Variants in TBC1D9B observed in about 807,000 individuals in gnomAD.
TBC1D9B encodes the protein TBC1 domain family, member 9B (with GRAM domain).
In TBC1D9B, 87 loss-of-function variants were observed where a neutral mutation model predicts 121.1. That is an observed-to-expected ratio of 0.72 (90% CI 0.60 to 0.86). The LOEUF (loss-of-function observed/expected upper bound fraction) is 0.86, where lower values mean the gene tolerates loss of function less well. Among genes scored for constraint, TBC1D9B ranks in the 40% least tolerant of loss-of-function variants. The pLI is 0.00. For synonymous variants in TBC1D9B, 668 were observed against 670.1 expected, an observed-to-expected ratio of 1.00 and a Z score of 0.05; for missense variants, 1,540 against 1,628.6, an observed-to-expected ratio of 0.95 and a Z score of 0.94.
At chr5:179,900,314 G>A (rs1163514544) in intron 2 of TBC1D9B, among the ~76,000 whole-genome samples, 4 of 152,234 alleles carry the variant, frequency 2.6e-5, no homozygotes, top group Non-Finnish European at 4.4e-5. Context: ...CGGGGGAAGA[G>A]CAAAGGGATG....
At position 179,891,828 on chromosome 5, in the gene TBC1D9B, C is replaced by T. The variant is rs1401157251; in HGVS notation, c.837-242G>A. Among the ~76,000 whole-genome samples the T allele has an allele frequency of 6.6e-6, 1 of 152,196 alleles. No individual in the cohort carries two copies. The highest frequency in any genetic ancestry group is 1.5e-5 in the Non-Finnish European group (1 of 68,036). On this transcript the variant is annotated intron_variant, in intron 5 of 20. Transcript: ENST00000355235. This position sits in a 1 kb window ranked among gnomAD's most constrained non-coding sequence, Gnocchi z 4.3. Reference sequence around the variant, plus strand: ...GAGAAGTGGCCAGCAAGCAATGTGTCCTGAGACTGCTTTGAAAAGGACACA... The same window carrying T: ...GAGAAGTGGCCAGCAAGCAATGTGTTCTGAGACTGCTTTGAAAAGGACACA...
intron 7 of TBC1D9B, among the ~76,000 whole-genome samples, chr5:179,882,434 C>A (rs1047870376): frequency 1.6e-4 from 25 of 152,216 alleles, no homozygotes; most frequent in Admixed American, 9.8e-4. Context: ...AGTCTGTTCT[C>A]CAGCAGACTC....
At position 179,872,975 on chromosome 5, in the gene TBC1D9B, TCAG is replaced by T; in HGVS notation, c.2329_2331del (p.Leu777del). The T allele has an allele frequency of 6.2e-7, 1 of 1,613,784 alleles. No homozygotes were observed. The highest frequency in any genetic ancestry group is 8.5e-7 in the Non-Finnish European group (1 of 1,179,918). On this transcript the variant is annotated inframe_deletion, in exon 14 of 21. Transcript: ENST00000355235. ...CGCATCTGCTCAATGTCTTCGGCCC[TCAG>T]GCTGCTGAATTTCTATAGGGAGAGG...
chr5:179,906,120 T>C (rs773145357), intron 1 of TBC1D9B, among the ~76,000 whole-genome samples: 6 of 152,190 alleles, frequency 3.9e-5, no homozygotes, highest in Non-Finnish European at 2.9e-5. Context: ...TAATGAAAAG[T>C]CTAGGTTGGC....
In TBC1D9B at chr5:179,867,614, C is replaced by T. The variant is rs556670726; in HGVS notation, c.2863+164G>A. On this transcript the variant is annotated intron_variant, in intron 18 of 20. Coordinates refer to ENST00000355235, the MANE Select transcript of TBC1D9B (RefSeq NM_015043.4). ...ATCCACAGGGGGCGGCCCCAGCCCC[C>T]GCCAGCATGGCAGAGCCCAGCCCGT... The T allele has an allele frequency of 1.0e-4, 150 of 1,487,576 alleles. 1 individual carries two copies. Among genetic ancestry groups the T allele is most frequent in the South Asian group, 6.5e-4 (54 of 83,134 alleles). 92.1% of individuals were successfully genotyped at this position (1,487,576 alleles called of 1,614,324 possible). A position where few individuals can be genotyped will look rare whatever the true frequency, so the allele number is the denominator to read the frequency against.
intron 10 of TBC1D9B, among the ~76,000 whole-genome samples, chr5:179,877,371 T>C (rs1582084115): frequency 6.6e-6 from 1 of 150,544 alleles, no homozygotes. Flanking sequence ...AAATTAAAAA[T>C]AGAAATACTG....
chr5:179,879,311 G>A, intron 8 of TBC1D9B, 114 bp from the exon 9 acceptor site: 1 of 1,443,424 alleles, frequency 6.9e-7, no homozygotes. Context: ...AGCAAGTGTG[G>A]CCTTCCTCGC....
Position 179,904,643 on chromosome 5 carries a change from G to A in TBC1D9B, c.229+59C>T, listed in dbSNP as rs191646914. 34 of 1,460,890 alleles carry A rather than the reference G, an allele frequency of 2.3e-5. No homozygotes were observed. The highest frequency in any genetic ancestry group is 3.1e-5 in the Non-Finnish European group (33 of 1,069,210). 90.5% of individuals were successfully genotyped at this position (1,460,890 alleles called of 1,614,324 possible). ...CGTGGGCTACACACCCCTTCCTCTC[G>A]GCAACGGCCCTTCCAGGGCAGGCCC... On this transcript the variant is annotated intron_variant, in intron 2 of 20. Coordinates refer to ENST00000355235, the MANE Select transcript of TBC1D9B (RefSeq NM_015043.4). The surrounding 1 kb of genome is among the most constrained non-coding windows in gnomAD (Gnocchi z 4.2).
rs1399466678 is a variant in TBC1D9B at position 179,890,992 on chromosome 5, G to C, written c.1044+387C>G. 2.0e-5 allele frequency among the ~76,000 whole-genome samples: 3 copies of C among 152,344 alleles called. No individual in the cohort carries two copies. The East Asian group carries it at 5.8e-4, about 29-fold the overall frequency. On this transcript the variant is annotated intron_variant, in intron 6 of 20. Transcript: ENST00000355235. The surrounding 1 kb of genome is among the most constrained non-coding windows in gnomAD (Gnocchi z 5.0). The stretch of plus-strand genomic sequence containing the variant: ...AGAGAGGACTGGTGAGGTGGCCTCT[G>C]AGAGTGACATATGGGACCGGTGCAG...
rs116334951 is a variant in TBC1D9B, at chr5:179,885,032, C to T, written c.1254+3071G>A. ...AATCTGACCCCTTCTTACACCTACA[C>T]TGTTCCTACCCTTGATGCTCGACTC... On this transcript the variant is annotated intron_variant, in intron 7 of 20. Coordinates refer to ENST00000355235, the MANE Select transcript of TBC1D9B (RefSeq NM_015043.4). This position sits in a 1 kb window ranked among gnomAD's most constrained non-coding sequence, Gnocchi z 4.5. Among the ~76,000 whole-genome samples, 312 of 152,280 alleles carry T rather than the reference C, an allele frequency of 2.0e-3. 1 individual carries two copies. Among genetic ancestry groups the T allele is most frequent in the African/African-American group, 7.3e-3 (304 of 41,556 alleles).
Position 179,869,820 on chromosome 5 carries a change from C to T in TBC1D9B, c.2740G>A (p.Gly914Arg), listed in dbSNP as rs757628698. ...FVTGMSGMYHGDLTEKLKVLY... is the reference protein window; with the variant it reads ...FVTGMSGMYHRDLTEKLKVLY... The stretch of plus-strand genomic sequence containing the variant: ...ACCTTGAGCTTCTCTGTCAGGTCCC[C>T]GTGGTACATCCCGCCTGTGGAGAAG... Residue 914 changes from glycine to arginine, a missense_variant, in exon 17 of 21, where the codon GGG becomes AGG. Coordinates refer to ENST00000355235, the MANE Select transcript of TBC1D9B (RefSeq NM_015043.4). 15 of 1,561,620 alleles carry T rather than the reference C, an allele frequency of 9.6e-6. No individual in the cohort carries two copies. Among genetic ancestry groups the T allele is most frequent in the Non-Finnish European group, 1.2e-5 (14 of 1,151,654 alleles).
Position 179,904,862 on chromosome 5 carries a change from G to C in TBC1D9B, c.119-50C>G, listed in dbSNP as rs753023674. 65 of 1,402,792 alleles carry C rather than the reference G, an allele frequency of 4.6e-5. No individual in the cohort carries two copies. Among genetic ancestry groups the C allele is most frequent in the Non-Finnish European group, 6.3e-5 (65 of 1,032,316 alleles). 86.9% of individuals were successfully genotyped at this position (1,402,792 alleles called of 1,614,324 possible). A position where few individuals can be genotyped will look rare whatever the true frequency, so the allele number is the denominator to read the frequency against. Reference sequence around the variant, plus strand: ...GAGGGTGAGGGGAGGGCCGGACTGAGGCCCCTGAAGGCTGAGTCTGGCCGG... The same window carrying C: ...GAGGGTGAGGGGAGGGCCGGACTGACGCCCCTGAAGGCTGAGTCTGGCCGG... On this transcript the variant is annotated intron_variant, in intron 1 of 20. Coordinates refer to ENST00000355235, the MANE Select transcript of TBC1D9B (RefSeq NM_015043.4). The surrounding 1 kb of genome is among the most constrained non-coding windows in gnomAD (Gnocchi z 4.2).
chr5:179,895,843 A>G (rs2113642636), intron 3 of TBC1D9B, among the ~76,000 whole-genome samples: 1 of 152,342 alleles, frequency 6.6e-6, no homozygotes, highest in Non-Finnish European at 1.5e-5. Context: ...CAGGGAAGGA[A>G]ACTACAATAT....
chr5:179,869,436 A>G (rs972686230), intron 17 of TBC1D9B: 1 of 471,672 alleles, frequency 2.1e-6, no homozygotes, highest in Admixed American at 2.8e-5. Context: ...CTTGACAGAT[A>G]AATGCAGCAG....
intron 3 of TBC1D9B, among the ~76,000 whole-genome samples, chr5:179,896,601 C>A (rs1261336621): frequency 6.6e-6 from 1 of 152,160 alleles, no homozygotes; most frequent in African/African-American, 2.4e-5. Flanking sequence ...TGGCTCACTG[C>A]AACCTCTGCC....
In TBC1D9B at chr5:179,904,901, G is replaced by A. The variant is rs1761272513; in HGVS notation, c.119-89C>T. 3 of 1,035,738 alleles carry A rather than the reference G, an allele frequency of 2.9e-6. No homozygotes were observed. Among genetic ancestry groups the A allele is most frequent in the Non-Finnish European group, 1.4e-6 (1 of 716,768 alleles). The allele number at this position is 1,035,738 out of a possible 1,614,324, so 64.2% of individuals were successfully genotyped here. On this transcript the variant is annotated intron_variant, in intron 1 of 20. Coordinates refer to ENST00000355235, the MANE Select transcript of TBC1D9B (RefSeq NM_015043.4). The surrounding 1 kb of genome is among the most constrained non-coding windows in gnomAD (Gnocchi z 4.2). ...GAGTCTGGCCGGAGGCAGACAGGATGGTGACGCTACCCAAAGGGTCCAGCC... is the reference window on the plus strand; with the variant it reads ...GAGTCTGGCCGGAGGCAGACAGGATAGTGACGCTACCCAAAGGGTCCAGCC...
chr5:179,901,987 T>G (rs1386963101), intron 2 of TBC1D9B, among the ~76,000 whole-genome samples: 1 of 152,204 alleles, frequency 6.6e-6, no homozygotes, highest in Non-Finnish European at 1.5e-5. Context: ...GTACCATTAT[T>G]TTCATTTTAC....
chr5:179,896,848 T>C (rs1761034939), intron 3 of TBC1D9B, among the ~76,000 whole-genome samples: 1 of 152,116 alleles, frequency 6.6e-6, no homozygotes, highest in South Asian at 2.1e-4. Context: ...TTCTTAAAGG[T>C]ACTGGTTTAA....
intron 7 of TBC1D9B, among the ~76,000 whole-genome samples, chr5:179,882,051 TCTC>T (rs1357898527): frequency 6.6e-6 from 1 of 150,986 alleles, no homozygotes; most frequent in African/African-American, 2.4e-5. Flanking sequence ...CTCAGGCAAT[TCTC>T]CTGCCTCAGG....
Sources: gnomAD v4.1 joint callset for allele counts (sites outside exome capture counted in the v4.1 genomes callset) on GRCh38, gnomAD v4.1.1 for gene constraint, Gnocchi (gnomAD v3.1) non-coding constraint, MANE v1.5 for transcripts, NCBI Gene and HGNC (gene_info 2026-07-23, HGNC 2026-07-21) for gene names.